The following MAML3 variants were observed in gnomAD, a reference collection of about 807,000 sequenced individuals.
MAML3 encodes the protein mastermind-like protein 3.
A neutral mutation model predicts 101.9 loss-of-function variants in MAML3; 27 were observed. That is an observed-to-expected ratio of 0.27 (90% CI 0.20 to 0.37). MAML3 has a LOEUF of 0.37. MAML3 is among the 10% of genes least tolerant of loss of function. The pLI, the probability that MAML3 is intolerant of heterozygous loss-of-function variation, is 1.00. For missense variants in MAML3, 1,316 were observed against 1,444.9 expected, an observed-to-expected ratio of 0.91 and a Z score of 1.45; for synonymous variants, 501 against 555.9, an observed-to-expected ratio of 0.90 and a Z score of 1.39.
At chr4:139,742,149 CTTTTTTT>C (rs67056013) in intron 2 of MAML3, among the ~76,000 whole-genome samples, 1 of 113,690 alleles carries the variant, frequency 8.8e-6, no homozygotes, top group Non-Finnish European at 1.8e-5. Flanking sequence ...CTTTTCTTTT[CTTTTTTT>C]TTTTTTTTTT....
intron 1 of MAML3, among the ~76,000 whole-genome samples, chr4:140,118,771 A>G (rs1728555021): frequency 6.6e-6 from 1 of 152,220 alleles, no homozygotes; most frequent in Non-Finnish European, 1.5e-5. Context: ...ATCATGCTGT[A>G]GCAGGGAAAG....
chr4:139,865,742 G>A (rs1304417916), intron 2 of MAML3, among the ~76,000 whole-genome samples: 1 of 152,126 alleles, frequency 6.6e-6, no homozygotes, highest in Non-Finnish European at 1.5e-5. Context: ...CGCACTGAGG[G>A]GCTCCTGAGC....
At chr4:140,020,346 T>C (rs908906989) in intron 1 of MAML3, among the ~76,000 whole-genome samples, 16 of 152,082 alleles carry the variant, frequency 1.1e-4, no homozygotes, top group African/African-American at 1.7e-4. Flanking sequence ...ACAGTAGATA[T>C]TTTAAAAGAA....
chr4:140,095,599 C>T (rs1350392835), intron 1 of MAML3, among the ~76,000 whole-genome samples: 1 of 152,110 alleles, frequency 6.6e-6, no homozygotes, highest in African/African-American at 2.4e-5. Context: ...TCCTCACTGC[C>T]CTTCTTGCCC....
intron 2 of MAML3, among the ~76,000 whole-genome samples, chr4:139,861,967 G>A (rs536151211): frequency 6.6e-6 from 1 of 152,246 alleles, no homozygotes; most frequent in East Asian, 1.9e-4. Flanking sequence ...CCAGCACTTT[G>A]GGAGGCTGAG....
chr4:140,100,395 A>G (rs958407382), intron 1 of MAML3, among the ~76,000 whole-genome samples: 1 of 152,224 alleles, frequency 6.6e-6, no homozygotes, highest in Non-Finnish European at 1.5e-5. Flanking sequence ...TCATTTTTAC[A>G]AACAGTCCTC....
intron 1 of MAML3, among the ~76,000 whole-genome samples, chr4:140,092,457 C>G (rs181521856): frequency 9.1e-4 from 139 of 152,242 alleles, no homozygotes; most frequent in Middle Eastern, 3.4e-3. Context: ...CCGAGAAGCC[C>G]TCCTCCAATT....
At chr4:140,061,908 C>G (rs1299869977) in intron 1 of MAML3, among the ~76,000 whole-genome samples, 1 of 152,170 alleles carries the variant, frequency 6.6e-6, no homozygotes, top group African/African-American at 2.4e-5. Context: ...TTGAATCAGA[C>G]AGTTGGTGTG....
chr4:139,890,670 C>G lies in MAML3; in HGVS notation c.766G>C (p.Val256Leu), dbSNP rs754301928. The G allele has an allele frequency of 1.2e-6, 2 of 1,613,988 alleles. No homozygotes were observed. Among genetic ancestry groups the G allele is most frequent in the South Asian group, 1.1e-5 (1 of 91,080 alleles). ...TCCTCCAGGTCACTGCAACCGTTGA[C>G]AGGAAGTTTAATCTCAGGGAGCCTA... ...NGRLPEIKLP[V>L]NGCSDLEDSF... Residue 256 changes from valine (V) to leucine (L), a missense_variant, in exon 2 of 5, where the codon GTC becomes CTC. By Grantham distance (32) the Val-to-Leu change is conservative (BLOSUM62 1). Transcript: ENST00000509479. The surrounding 1 kb of genome is among the most constrained non-coding windows in gnomAD (Gnocchi z 4.1).
At chr4:139,951,071 C>A (rs1037309500) in intron 1 of MAML3, among the ~76,000 whole-genome samples, 1 of 152,122 alleles carries the variant, frequency 6.6e-6, no homozygotes, top group East Asian at 1.9e-4. Context: ...TCTAGGAAAC[C>A]AATATTTATT....
intron 2 of MAML3, among the ~76,000 whole-genome samples, chr4:139,863,343 CT>C (rs11439880): frequency 0.055 from 6,590 of 120,522 alleles, 154 homozygotes; most frequent in Middle Eastern, 0.091. Flanking sequence ...TTCCTGTGCC[CT>C]TTTTTTTTTT....
chr4:139,739,115 C>A (rs1328298856), intron 2 of MAML3, among the ~76,000 whole-genome samples: 1 of 152,188 alleles, frequency 6.6e-6, no homozygotes, highest in African/African-American at 2.4e-5. Flanking sequence ...TTACTGAACT[C>A]AACTGACTAA....
At chr4:139,869,573 C>G (rs564260253) in intron 2 of MAML3, among the ~76,000 whole-genome samples, 3 of 152,232 alleles carry the variant, frequency 2.0e-5, no homozygotes, top group Admixed American at 6.5e-5. Flanking sequence ...GAGTATTTCT[C>G]CATGATCAAA....
At chr4:140,038,440 G>A (rs6851301) in intron 1 of MAML3, among the ~76,000 whole-genome samples, 61,179 of 152,058 alleles carry the variant, frequency 0.4, 13,119 homozygotes, top group African/African-American at 0.53. Flanking sequence ...ATATTTTTAT[G>A]GGTGTGTCTT....
In MAML3 at chr4:139,940,357, A is replaced by C. The variant is rs142039458; in HGVS notation, c.469-49390T>G. Reference sequence around the variant, plus strand: ...CTATGTCATATCTGCACACTATGTAAAGATTTAATAGGGCACCTAAAGATT... The same window carrying C: ...CTATGTCATATCTGCACACTATGTACAGATTTAATAGGGCACCTAAAGATT... On this transcript the variant is annotated intron_variant, in intron 1 of 4. Coordinates refer to ENST00000509479, the MANE Select transcript of MAML3 (RefSeq NM_018717.5). Among the ~76,000 whole-genome samples, 254 of 152,292 alleles carry C rather than the reference A, an allele frequency of 1.7e-3. 1 individual carries two copies. Among genetic ancestry groups the C allele is most frequent in the African/African-American group, 5.7e-3 (237 of 41,562 alleles).
At chr4:139,870,680 C>T (rs1041239542) in intron 2 of MAML3, among the ~76,000 whole-genome samples, 4 of 152,060 alleles carry the variant, frequency 2.6e-5, no homozygotes, top group Admixed American at 2.0e-4. Flanking sequence ...CTCACTCTGT[C>T]GCCCAGGCTG....
At chr4:139,812,198 G>C (rs553929503) in intron 2 of MAML3, among the ~76,000 whole-genome samples, 2 of 152,286 alleles carry the variant, frequency 1.3e-5, no homozygotes, top group South Asian at 4.1e-4. Flanking sequence ...GCTGTAGTGA[G>C]CTATGGTTGT....
At position 140,147,900 on chromosome 4, in the gene MAML3, G is replaced by GTGAA. The variant is rs1251988856; in HGVS notation, c.468+4959_468+4960insTTCA. ...TTCTATGACACTCACACCAGGGTGA[G>GTGAA]TGAGTGAATGAGTGAATGTGTGTGT... On this transcript the variant is annotated intron_variant, in intron 1 of 4. Coordinates refer to ENST00000509479, the MANE Select transcript of MAML3 (RefSeq NM_018717.5). 1.2e-3 allele frequency among the ~76,000 whole-genome samples: 121 copies of GTGAA among 96,984 alleles called. 1 individual carries two copies. In the Middle Eastern group the frequency reaches 0.017, roughly 14 times the overall value. The allele number at this position is 96,984 out of a possible 152,430, so 63.6% of individuals were successfully genotyped here. A position where few individuals can be genotyped will look rare whatever the true frequency, so the allele number is the denominator to read the frequency against.
At chr4:140,149,469 C>T (rs1317437168) in intron 1 of MAML3, among the ~76,000 whole-genome samples, 1 of 152,066 alleles carries the variant, frequency 6.6e-6, no homozygotes, top group Non-Finnish European at 1.5e-5. Context: ...TTTTTCATGC[C>T]CATTCTTGTA....
Sources: gnomAD v4.1 joint callset for allele counts (sites outside exome capture counted in the v4.1 genomes callset) on GRCh38, gnomAD v4.1.1 for gene constraint, Gnocchi (gnomAD v3.1) non-coding constraint, MANE v1.5 for transcripts, NCBI Gene and HGNC (gene_info 2026-07-23, HGNC 2026-07-21) for gene names.